Variants in PTK6 observed in about 807,000 individuals in gnomAD.
PTK6 encodes the protein protein-tyrosine kinase 6.
In PTK6, 47 loss-of-function variants were observed where a neutral mutation model predicts 47.5. The ratio of observed to expected loss-of-function variants is 0.99; its 90% CI spans 0.78 to 1.26. PTK6 has a LOEUF of 1.26. Ranked by LOEUF, PTK6 falls within the 50% of genes most tolerant of loss-of-function variation. The pLI is 0.00. For missense variants in PTK6, 618 were observed against 625.3 expected (o/e 0.99, Z 0.12); for synonymous variants, 287 against 276.5 (o/e 1.04, Z -0.38).
At chr20:63,532,809 ACCT>A in intron 4 of PTK6, 122 bp from the exon 5 acceptor site, 1 of 1,279,736 alleles carries the variant, frequency 7.8e-7, no homozygotes, top group South Asian at 1.6e-5. Context: ...GGACACACAG[ACCT>A]CCTGCCCCCG....
intron 3 of PTK6, 127 bp downstream of exon 3, chr20:63,534,025 C>A (rs1987184650): frequency 7.8e-7 from 1 of 1,285,698 alleles, no homozygotes. Context: ...GGCTTCCCTC[C>A]AGTGGGCCCC....
chr20:63,531,463 T>A (rs9753637), intron 5 of PTK6, among the ~76,000 whole-genome samples: 22,286 of 92,566 alleles, frequency 0.24, 3,496 homozygotes, highest in East Asian at 0.96. Context: ...TATATATATA[T>A]AATTAGCTGG....
chr20:63,530,032 C>A lies in PTK6; in HGVS notation c.1168+46G>T, dbSNP rs1175143201. 1 of 1,606,460 alleles carries A rather than the reference C, an allele frequency of 6.2e-7. No individual in the cohort carries two copies. The highest frequency in any genetic ancestry group is 8.5e-7 in the Non-Finnish European group (1 of 1,175,678). On this transcript the variant is annotated intron_variant, in intron 7 of 7. Coordinates refer to ENST00000542869, the MANE Select transcript of PTK6 (RefSeq NM_005975.4). The surrounding 1 kb of genome is among the most constrained non-coding windows in gnomAD (Gnocchi z 4.1). ...GTCCCTGCCGGCTACCCAGGACCTC[C>A]CCCACTCTGCCTCTCATGCCCAGTC...
At chr20:63,532,161 C>CTGTG (rs199580858) in intron 5 of PTK6, among the ~76,000 whole-genome samples, 2 of 129,888 alleles carry the variant, frequency 1.5e-5, no homozygotes, top group African/African-American at 4.3e-5. Context: ...CAGTGTGTGT[C>CTGTG]TGTGTGTGTG....
At position 63,534,138 on chromosome 20, in the gene PTK6, G is replaced by A; in HGVS notation, c.516+14C>T. 6.5e-7 allele frequency: 1 copy of A among 1,540,588 alleles called. No homozygotes were observed. Among genetic ancestry groups the A allele is most frequent in the Non-Finnish European group, 8.7e-7 (1 of 1,144,074 alleles). ...GCCTGACCCCGCGTGACCAAGTCAG[G>A]GCGGAGCGGCTACCTTCCGGCAGGG... On this transcript the variant is annotated intron_variant, in intron 3 of 7. Transcript: ENST00000542869.
Position 63,529,499 on chromosome 20 carries a change from C to T in PTK6, c.*37G>A. On this transcript the variant is annotated 3_prime_UTR_variant, in exon 8 of 8. Transcript: ENST00000542869. This position sits in a 1 kb window ranked among gnomAD's most constrained non-coding sequence, Gnocchi z 5.6. ...GTCCAGGCCCTCTGCCCAGGCCCCT[C>T]CTCAGCAGGGCCCGGCCATGCCCGC... 1 of 1,512,858 alleles carries T rather than the reference C, an allele frequency of 6.6e-7. No homozygotes were observed. The highest frequency in any genetic ancestry group is 8.8e-7 in the Non-Finnish European group (1 of 1,130,734). The allele number at this position is 1,512,858 out of a possible 1,614,324, so 93.7% of individuals were successfully genotyped here.
At position 63,535,028 on chromosome 20, in the gene PTK6, C is replaced by T. The variant is rs1303320172; in HGVS notation, c.262G>A (p.Ala88Thr). ...CCCTCGGCCTGCAGCCGACGCACAG[C>T]TTCCGAGCGGGAGATGCAGCCAAAG... ...WFFGCISRSE[A>T]VRRLQAEGNA... Residue 88 changes from alanine (A) to threonine (T), a missense_variant, in exon 2 of 8, where the codon GCT (alanine) becomes ACT (threonine). By Grantham distance (58) the Ala-to-Thr change is moderately conservative. Coordinates refer to ENST00000542869, the MANE Select transcript of PTK6 (RefSeq NM_005975.4). 1 of 1,607,814 alleles carries T rather than the reference C, an allele frequency of 6.2e-7. No homozygotes were observed. Among genetic ancestry groups the T allele is most frequent in the Non-Finnish European group, 8.5e-7 (1 of 1,176,482 alleles).
At position 63,534,964 on chromosome 20, in the gene PTK6, T is replaced by G. The variant is rs764429260; in HGVS notation, c.326A>C (p.Lys109Thr). ...CGACAGGACGTAGTCGGCACTCGGC[T>G]TCTCGCTGACCCTGATCAGGAAGGC... is the stretch of plus-strand genomic sequence containing the variant. ...TGAFLIRVSE[K>T]PSADYVLSVR... The change falls in exon 2 of 8, where the codon AAG becomes ACG. Residue 109 changes from lysine (K) to threonine (T), a missense_variant. Physicochemically the swap from Lys to Thr is moderately conservative, Grantham distance 78. Transcript: ENST00000542869. The G allele has an allele frequency of 6.2e-7, 1 of 1,606,370 alleles. No individual in the cohort carries two copies. Among genetic ancestry groups the G allele is most frequent in the Non-Finnish European group, 8.5e-7 (1 of 1,177,138 alleles).
chr20:63,533,799 T>TA lies in PTK6; in HGVS notation c.517-96dup. The TA allele has an allele frequency of 4.0e-6, 6 of 1,485,926 alleles. No homozygotes were observed. The highest frequency in any genetic ancestry group is 5.4e-6 in the Non-Finnish European group (6 of 1,110,060). 92.0% of individuals were successfully genotyped at this position (1,485,926 alleles called of 1,614,324 possible). ...GGGAGCCTGGATTTAGCCTCAGATTTAGGGCCACGATCAGCCTGGGTTGGG... is the reference window on the plus strand; with the variant it reads ...GGGAGCCTGGATTTAGCCTCAGATTTAAGGGCCACGATCAGCCTGGGTTGGG... On this transcript the variant is annotated intron_variant, in intron 3 of 7. Transcript: ENST00000542869. The surrounding 1 kb of genome is among the most constrained non-coding windows in gnomAD (Gnocchi z 4.0).
rs1212351971 is a variant in PTK6 at position 63,530,148 on chromosome 20, G to C, written c.1098C>G (p.Thr366=). The stretch of plus-strand genomic sequence containing the variant: ...TCCCAAAGGACCAGACGTCGGATTT[G>C]GTGGAGTAATGGCCTCGGGAGAGCG... ...PEALSRGHYS[T]KSDVWSFGIL... The change falls in exon 7 of 8, where the codon ACC becomes ACG. Residue 366 remains threonine (T), a synonymous_variant. Transcript: ENST00000542869. This position sits in a 1 kb window ranked among gnomAD's most constrained non-coding sequence, Gnocchi z 4.1. 1 of 1,613,984 alleles carries C rather than the reference G, an allele frequency of 6.2e-7. No individual in the cohort carries two copies. The highest frequency in any genetic ancestry group is 1.3e-5 in the African/African-American group (1 of 74,936).
In PTK6 at chr20:63,532,511, G is replaced by A. The variant is rs755490910; in HGVS notation, c.832+15C>T. 2 of 1,600,138 alleles carry A rather than the reference G, an allele frequency of 1.2e-6. No individual in the cohort carries two copies. Among genetic ancestry groups the A allele is most frequent in the Non-Finnish European group, 1.7e-6 (2 of 1,169,910 alleles). On this transcript the variant is annotated intron_variant, in intron 5 of 7. Coordinates refer to ENST00000542869, the MANE Select transcript of PTK6 (RefSeq NM_005975.4). Reference sequence around the variant, plus strand: ...CCCGCTGCCTCCAGCAAGAGCCCCGGCCCATGCCACTCACCGCGGAGCAGC... The same window carrying A: ...CCCGCTGCCTCCAGCAAGAGCCCCGACCCATGCCACTCACCGCGGAGCAGC...
In PTK6 at chr20:63,529,613, C is replaced by T. The variant is rs374216534; in HGVS notation, c.1279G>A (p.Asp427Asn). Residue 427 changes from aspartate (D) to asparagine (N), a missense_variant, in exon 8 of 8, where the codon GAC (aspartate) becomes AAC (asparagine). By Grantham distance (23) the Asp-to-Asn change is conservative. Transcript: ENST00000542869. The surrounding 1 kb of genome is among the most constrained non-coding windows in gnomAD (Gnocchi z 5.6). ...HKLMLTCWCR[D>N]PEQRPCFKAL... The stretch of plus-strand genomic sequence containing the variant: ...TTGAAGCAGGGTCTCTGCTCGGGGT[C>T]CCTGCACCAGCATGTCAGCATCAGC... 5.8e-6 allele frequency: 9 copies of T among 1,558,342 alleles called. No individual in the cohort carries two copies. The highest frequency in any genetic ancestry group is 2.6e-6 in the Non-Finnish European group (3 of 1,151,682).
chr20:63,535,117 G>A (rs1437560469), intron 1 of PTK6, 58 bp from the exon 2 acceptor site: 33 of 1,518,376 alleles, frequency 2.2e-5, no homozygotes, highest in Non-Finnish European at 2.7e-5. Flanking sequence ...TGGACCCCAC[G>A]CTGGCCCCAG....
chr20:63,533,726 C>T lies in PTK6; in HGVS notation c.517-22G>A, dbSNP rs781428707. The T allele has an allele frequency of 3.7e-6, 6 of 1,605,816 alleles. No homozygotes were observed. In the East Asian group the frequency reaches 6.7e-5, roughly 18 times the overall value. ...CGTGCTGGAGGAAGAGTCGGGGACA[C>T]AGGGCAGGGGCTCATCCTTCAGGAA... is the stretch of plus-strand genomic sequence containing the variant. On this transcript the variant is annotated intron_variant, in intron 3 of 7. Coordinates refer to ENST00000542869, the MANE Select transcript of PTK6 (RefSeq NM_005975.4). This position sits in a 1 kb window ranked among gnomAD's most constrained non-coding sequence, Gnocchi z 4.0.
chr20:63,534,832 A>C, intron 2 of PTK6, 106 bp downstream of exon 2: 1 of 1,421,208 alleles, frequency 7.0e-7, no homozygotes, highest in Non-Finnish European at 9.3e-7. Flanking sequence ...AGAGGAGCCC[A>C]TGTCCCCCGT....
In PTK6 at chr20:63,533,509, C is replaced by A. The variant is rs1324132187; in HGVS notation, c.670+42G>T. ...GGCGGGGTGGGAGGGTGGCCCAGGG[C>A]AGGCACGGGGCCACACAGAGCCCTG... On this transcript the variant is annotated intron_variant, in intron 4 of 7. Coordinates refer to ENST00000542869, the MANE Select transcript of PTK6 (RefSeq NM_005975.4). The surrounding 1 kb of genome is among the most constrained non-coding windows in gnomAD (Gnocchi z 4.0). 6.5e-7 allele frequency: 1 copy of A among 1,535,058 alleles called. No homozygotes were observed. Among genetic ancestry groups the A allele is most frequent in the South Asian group, 1.3e-5 (1 of 79,644 alleles).
Position 63,530,909 on chromosome 20 carries a change from A to G in PTK6, c.851T>C (p.Leu284Pro), listed in dbSNP as rs1052546202. Reference sequence around the variant, plus strand: ...GATGTCCAGCAGCTCCGAAACGGGCAGGACTTTCTCATCAGAGTCTGCAGA... The same window carrying G: ...GATGTCCAGCAGCTCCGAAACGGGCGGGACTTTCTCATCAGAGTCTGCAGA... ...ELLRDSDEKV[L>P]PVSELLDIAW... Residue 284 changes from leucine to proline, a missense_variant, in exon 6 of 8, where the codon CTG (leucine) becomes CCG (proline). Coordinates refer to ENST00000542869, the MANE Select transcript of PTK6 (RefSeq NM_005975.4). The surrounding 1 kb of genome is among the most constrained non-coding windows in gnomAD (Gnocchi z 4.1). The G allele has an allele frequency of 5.0e-6, 8 of 1,611,622 alleles. No individual in the cohort carries two copies. The highest frequency in any genetic ancestry group is 6.8e-6 in the Non-Finnish European group (8 of 1,179,014).
chr20:63,537,023 G>A, intron 1 of PTK6, 62 bp downstream of exon 1: 6 of 1,504,546 alleles, frequency 4.0e-6, no homozygotes, highest in Non-Finnish European at 5.4e-6. Flanking sequence ...CCAGAGCCCT[G>A]TCCCTCCCCT....
chr20:63,535,186 C>T lies in PTK6; in HGVS notation c.231-127G>A. 3 of 1,323,602 alleles carry T rather than the reference C, an allele frequency of 2.3e-6. No homozygotes were observed. The East Asian group carries it at 7.7e-5, about 34-fold the overall frequency. 82.0% of individuals were successfully genotyped at this position (1,323,602 alleles called of 1,614,324 possible). A position where few individuals can be genotyped will look rare whatever the true frequency, so the allele number is the denominator to read the frequency against. ...GCCACCTCAAGCTCCCAGCCCTGAC[C>T]ACAGCTGCTCTCAGGAGCTGTCGCT... On this transcript the variant is annotated intron_variant, in intron 1 of 7. Transcript: ENST00000542869.
Sources: gnomAD v4.1 joint callset for allele counts (sites outside exome capture counted in the v4.1 genomes callset) on GRCh38, gnomAD v4.1.1 for gene constraint, Gnocchi (gnomAD v3.1) non-coding constraint, MANE v1.5 for transcripts, NCBI Gene and HGNC (gene_info 2026-07-23, HGNC 2026-07-21) for gene names.